LAMA2: variants seen among roughly 807,000 people sequenced by gnomAD.
LAMA2 encodes laminin subunit alpha-2.
In LAMA2, 269 loss-of-function variants were observed where a neutral mutation model predicts 364.8. The observed-to-expected ratio is 0.74, with a 90% CI of 0.67 to 0.82. The LOEUF is 0.82. Ranked by LOEUF, LAMA2 falls within the 40% of genes least tolerant of loss-of-function variation. LAMA2 has a pLI of 0.00. For synonymous variants in LAMA2, 1,379 were observed against 1,370.6 expected, an observed-to-expected ratio of 1.01 and a Z score of -0.14; for missense variants, 3,807 against 3,873.2, an observed-to-expected ratio of 0.98 and a Z score of 0.45.
intron 40 of LAMA2, among the ~76,000 whole-genome samples, chr6:129,413,852 A>G (rs1214520282): frequency 6.6e-6 from 1 of 152,136 alleles, no homozygotes; most frequent in Non-Finnish European, 1.5e-5. Flanking sequence ...TCTGCTCAAG[A>G]TGTTTAAAAA....
At chr6:129,238,947 T>C (rs1437008473) in intron 12 of LAMA2, among the ~76,000 whole-genome samples, 1 of 152,166 alleles carries the variant, frequency 6.6e-6, no homozygotes. Flanking sequence ...CAGATGTTTT[T>C]GTTTTCAAAT....
intron 20 of LAMA2, among the ~76,000 whole-genome samples, chr6:129,296,130 T>C (rs1773164282): frequency 6.6e-6 from 1 of 151,994 alleles, no homozygotes. Flanking sequence ...TTTCATAATG[T>C]GGATGTCATC....
At chr6:129,180,123 T>C (rs770902904) in intron 10 of LAMA2, among the ~76,000 whole-genome samples, 3 of 152,070 alleles carry the variant, frequency 2.0e-5, no homozygotes, top group Admixed American at 6.6e-5. Flanking sequence ...GTTCATACTG[T>C]TTCACAAAAA....
chr6:129,044,623 C>T lies in LAMA2; in HGVS notation c.113-5295C>T, dbSNP rs1182823105. On this transcript the variant is annotated intron_variant, in intron 1 of 64. Transcript: ENST00000421865. ...ATATATAATATGAATATTCTAATCT[C>T]TAATAAAATACATAGTATAAACAGA... Among the ~76,000 whole-genome samples the T allele has an allele frequency of 4.0e-5, 6 of 151,254 alleles. No homozygotes were observed. In the East Asian group the frequency reaches 1.2e-3, roughly 29 times the overall value.
intron 10 of LAMA2, among the ~76,000 whole-genome samples, chr6:129,184,906 T>C (rs564258033): frequency 6.6e-6 from 1 of 152,080 alleles, no homozygotes; most frequent in South Asian, 2.1e-4. Context: ...TCTCCCTCCC[T>C]AACCCATCAA....
At chr6:129,359,124 T>C (rs993331383) in intron 32 of LAMA2, among the ~76,000 whole-genome samples, 12 of 151,866 alleles carry the variant, frequency 7.9e-5, no homozygotes, top group East Asian at 3.9e-4. Context: ...GTTGTGTAGA[T>C]AAAAACTATT....
At chr6:129,226,312 T>C (rs1345046054) in intron 12 of LAMA2, among the ~76,000 whole-genome samples, 1 of 152,090 alleles carries the variant, frequency 6.6e-6, no homozygotes, top group Non-Finnish European at 1.5e-5. Context: ...TGTCTTTTAA[T>C]TAGAGCATTT....
chr6:128,909,639 T>G (rs1428717730), intron 1 of LAMA2, among the ~76,000 whole-genome samples: 1 of 149,498 alleles, frequency 6.7e-6, no homozygotes, highest in Admixed American at 6.6e-5. Context: ...CATTTACATT[T>G]AAAGTTAATA....
At chr6:129,026,352 G>A (rs1785819302) in intron 1 of LAMA2, among the ~76,000 whole-genome samples, 1 of 152,136 alleles carries the variant, frequency 6.6e-6, no homozygotes, top group South Asian at 2.1e-4. Context: ...ATATTGTCGA[G>A]TTGTGAGCAG....
chr6:129,210,244 C>T (rs1252422716), intron 12 of LAMA2, among the ~76,000 whole-genome samples: 1 of 152,070 alleles, frequency 6.6e-6, no homozygotes, highest in Admixed American at 6.6e-5. Context: ...AAAAAACCTG[C>T]AGTATGCTTT....
At chr6:129,384,245 A>G (rs1275795066) in intron 35 of LAMA2, among the ~76,000 whole-genome samples, 1 of 152,182 alleles carries the variant, frequency 6.6e-6, no homozygotes, top group Non-Finnish European at 1.5e-5. Context: ...AAGCTGTTGT[A>G]CTTTCCCTAG....
chr6:128,990,550 A>G (rs1418043554), intron 1 of LAMA2, among the ~76,000 whole-genome samples: 2 of 152,180 alleles, frequency 1.3e-5, no homozygotes, highest in South Asian at 2.1e-4. Context: ...ATAGCGCCCT[A>G]TAGAGTTTTG....
At chr6:128,921,538 T>C (rs577277470) in intron 1 of LAMA2, among the ~76,000 whole-genome samples, 1 of 152,092 alleles carries the variant, frequency 6.6e-6, no homozygotes, top group African/African-American at 2.4e-5. Flanking sequence ...GAGAAAGCTG[T>C]GTAAAGATGG....
intron 4 of LAMA2, among the ~76,000 whole-genome samples, chr6:129,115,195 C>G (rs1321119949): frequency 6.6e-6 from 1 of 152,002 alleles, no homozygotes; most frequent in African/African-American, 2.4e-5. Context: ...AGGAAATTCC[C>G]AATTTTGCAA....
At chr6:128,896,465 T>A (rs1370289074) in intron 1 of LAMA2, among the ~76,000 whole-genome samples, 1 of 152,084 alleles carries the variant, frequency 6.6e-6, no homozygotes, top group African/African-American at 2.4e-5. Context: ...TTAATTGATG[T>A]GTCCCATCTT....
intron 1 of LAMA2, among the ~76,000 whole-genome samples, chr6:128,971,989 G>A (rs1243857128): frequency 2.0e-5 from 3 of 152,262 alleles, no homozygotes; most frequent in African/African-American, 4.8e-5. Context: ...ATGGGTACCA[G>A]GATGAAAGGC....
chr6:129,198,405 A>AT (rs1781975387), intron 12 of LAMA2, among the ~76,000 whole-genome samples: 1 of 152,182 alleles, frequency 6.6e-6, no homozygotes, highest in Non-Finnish European at 1.5e-5. Context: ...CCAGTTAAGC[A>AT]TTTTTTCAAT....
At chr6:129,301,904 GT>G (rs776273755) in intron 22 of LAMA2, among the ~76,000 whole-genome samples, 3 of 151,972 alleles carry the variant, frequency 2.0e-5, no homozygotes, top group Non-Finnish European at 4.4e-5. Flanking sequence ...TTGAGGGGGG[GT>G]TTGTTTGTTT....
At chr6:129,378,950 T>A (rs1051958507) in intron 34 of LAMA2, among the ~76,000 whole-genome samples, 1 of 152,172 alleles carries the variant, frequency 6.6e-6, no homozygotes, top group African/African-American at 2.4e-5. Context: ...AGACATGGAA[T>A]CAACCTAAGT....
Sources: gnomAD v4.1 joint callset for allele counts (sites outside exome capture counted in the v4.1 genomes callset) on GRCh38, gnomAD v4.1.1 for gene constraint, MANE v1.5 for transcripts, NCBI Gene and HGNC (gene_info 2026-07-23, HGNC 2026-07-21) for gene names.